TNFAIP6: variants seen among roughly 807,000 people sequenced by gnomAD.
The protein encoded by TNFAIP6 is TNF alpha induced protein 6, also known as tumor necrosis factor-inducible gene 6 protein.
A neutral mutation model predicts 33.7 loss-of-function variants in TNFAIP6; 36 were observed. The ratio of observed to expected loss-of-function variants is 1.07; its 90% CI spans 0.82 to 1.41. The LOEUF (loss-of-function observed/expected upper bound fraction) is 1.41, where lower values mean the gene tolerates loss of function less well. Ranked by LOEUF, TNFAIP6 falls within the 40% of genes most tolerant of loss-of-function variation. The pLI, the probability that TNFAIP6 is intolerant of heterozygous loss-of-function variation, is 0.00. For synonymous variants in TNFAIP6, 113 were observed against 112.8 expected, an observed-to-expected ratio of 1.00 and a Z score of -0.01; for missense variants, 273 against 331.9, an observed-to-expected ratio of 0.82 and a Z score of 1.38.
intron 3 of TNFAIP6, among the ~76,000 whole-genome samples, chr2:151,367,232 G>A (rs894465070): frequency 1.3e-5 from 2 of 152,116 alleles, no homozygotes; most frequent in Non-Finnish European, 2.9e-5. Flanking sequence ...TTTGCCTACA[G>A]CTACAACTAG....
chr2:151,380,675 A>G (rs1345591774), downstream of TNFAIP6, among the ~76,000 whole-genome samples: 1 of 152,096 alleles, frequency 6.6e-6, no homozygotes, highest in Non-Finnish European at 1.5e-5. Context: ...TACTTTTCTT[A>G]TAAAGGTTAA....
At chr2:151,376,090 C>T (rs1459704727) in intron 5 of TNFAIP6, among the ~76,000 whole-genome samples, 2 of 151,892 alleles carry the variant, frequency 1.3e-5, no homozygotes, top group East Asian at 3.9e-4. Flanking sequence ...ACTAAAAACA[C>T]AAAAAATTAG....
rs1046801964 is a variant in TNFAIP6 at position 151,370,637 on chromosome 2, T to C, written c.623+389T>C. 2.0e-5 allele frequency among the ~76,000 whole-genome samples: 3 copies of C among 152,132 alleles called. No homozygotes were observed. In the South Asian group the frequency reaches 6.2e-4, roughly 32 times the overall value. ...CTTATTAAAGTAGTGAGAGCTGCCTTTGGATTATGGCTAAGTTGTAAGAAC... is the reference window on the plus strand; with the variant it reads ...CTTATTAAAGTAGTGAGAGCTGCCTCTGGATTATGGCTAAGTTGTAAGAAC... On this transcript the variant is annotated intron_variant, in intron 4 of 5. Transcript: ENST00000243347.
chr2:151,361,219 C>T lies in TNFAIP6; in HGVS notation c.95-2724C>T, dbSNP rs142947843. On this transcript the variant is annotated intron_variant, in intron 1 of 5. Coordinates refer to ENST00000243347, the MANE Select transcript of TNFAIP6 (RefSeq NM_007115.4). The stretch of plus-strand genomic sequence containing the variant: ...CCTTCCAAGTAGCTGGGACTACAGG[C>T]GTGCACCACCACACCCGGCTAATCT... 7.2e-3 allele frequency among the ~76,000 whole-genome samples: 1,100 copies of T among 152,088 alleles called. 16 individuals are homozygous for T. Among genetic ancestry groups the T allele is most frequent in the African/African-American group, 0.025 (1,051 of 41,498 alleles).
At chr2:151,372,062 CA>C (rs1178817218) in intron 4 of TNFAIP6, 1 of 152,274 alleles carries the variant, frequency 6.6e-6, no homozygotes, top group Non-Finnish European at 1.5e-5. Flanking sequence ...CACTTGAGCC[CA>C]GTAGTTCTGG....
Position 151,379,549 on chromosome 2 carries a change from T to C in TNFAIP6, c.*16T>C. 1 of 1,454,622 alleles carries C rather than the reference T, an allele frequency of 6.9e-7. No homozygotes were observed. Among genetic ancestry groups the C allele is most frequent in the Non-Finnish European group, 9.3e-7 (1 of 1,077,072 alleles). 90.1% of individuals were successfully genotyped at this position (1,454,622 alleles called of 1,614,324 possible). On this transcript the variant is annotated 3_prime_UTR_variant, in exon 6 of 6. Coordinates refer to ENST00000243347, the MANE Select transcript of TNFAIP6 (RefSeq NM_007115.4). ...CCACTTATAAAAAAAAAAAAAAGGA[T>C]GATCAAAACACACAGTGTTTATGTT...
In TNFAIP6 at chr2:151,368,813, G is replaced by C. The variant is rs567183070; in HGVS notation, c.395-1207G>C. Among the ~76,000 whole-genome samples the C allele has an allele frequency of 5.3e-5, 8 of 152,256 alleles. No homozygotes were observed. The East Asian group carries it at 1.4e-3, about 26-fold the overall frequency. On this transcript the variant is annotated intron_variant, in intron 3 of 5. Transcript: ENST00000243347. ...CATTATTCTAAGTGCTTGTGGCCCT[G>C]AAGACATATGGTGACACCACAGGGC...
Position 151,375,776 on chromosome 2 carries a change from C to T in TNFAIP6, c.664+2187C>T, listed in dbSNP as rs186209858. ...TGATCTGGTTTTCTTTTTAAATATA[C>T]GCTTACTCAACCCAGGGTATAGATT... On this transcript the variant is annotated intron_variant, in intron 5 of 5. Coordinates refer to ENST00000243347, the MANE Select transcript of TNFAIP6 (RefSeq NM_007115.4). 4.0e-4 allele frequency among the ~76,000 whole-genome samples: 61 copies of T among 151,660 alleles called. 1 individual carries two copies. Among genetic ancestry groups the T allele is most frequent in the African/African-American group, 1.4e-3 (59 of 41,410 alleles).
chr2:151,369,326 T>G (rs1280202707), intron 3 of TNFAIP6, among the ~76,000 whole-genome samples: 2 of 152,222 alleles, frequency 1.3e-5, no homozygotes, highest in Non-Finnish European at 2.9e-5. Flanking sequence ...TTATTTTTAT[T>G]TTTATTTTTT....
chr2:151,375,385 G>A (rs1023237489), intron 5 of TNFAIP6, among the ~76,000 whole-genome samples: 1 of 152,032 alleles, frequency 6.6e-6, no homozygotes, highest in East Asian at 1.9e-4. Flanking sequence ...AATAGAAAAA[G>A]AAGATATAAG....
chr2:151,380,779 A>T (rs1685000309), downstream of TNFAIP6, among the ~76,000 whole-genome samples: 1 of 152,228 alleles, frequency 6.6e-6, no homozygotes, highest in African/African-American at 2.4e-5. Context: ...TTGGAAGGTC[A>T]GATAAACAAC....
intron 5 of TNFAIP6, among the ~76,000 whole-genome samples, chr2:151,375,278 T>G (rs929035250): frequency 1.3e-5 from 2 of 150,988 alleles, no homozygotes; most frequent in Non-Finnish European, 2.9e-5. Flanking sequence ...AATTTATCAT[T>G]CAAAGAGAAA....
chr2:151,371,942 T>C (rs1224949473), intron 4 of TNFAIP6: 1 of 152,202 alleles, frequency 6.6e-6, no homozygotes, highest in African/African-American at 2.4e-5. Flanking sequence ...GAAAAGATAG[T>C]TTATAAAAAT....
chr2:151,379,463 A>C lies in TNFAIP6; in HGVS notation c.764A>C (p.Gln255Pro). 1 of 1,608,600 alleles carries C rather than the reference A, an allele frequency of 6.2e-7. No individual in the cohort carries two copies. Among genetic ancestry groups the C allele is most frequent in the Non-Finnish European group, 8.5e-7 (1 of 1,177,920 alleles). The change falls in exon 6 of 6, where the codon CAA (glutamine) becomes CCA (proline). Residue 255 changes from glutamine (Q) to proline (P), a missense_variant. Coordinates refer to ENST00000243347, the MANE Select transcript of TNFAIP6 (RefSeq NM_007115.4). ...ATGGATCCTGTATCCAAATCCAGTC[A>C]AGGAAAAAATACAAGTACTACTTCT... ...VAMDPVSKSS[Q>P]GKNTSTTSTG...
At chr2:151,369,226 A>G (rs1272894782) in intron 3 of TNFAIP6, among the ~76,000 whole-genome samples, 1 of 152,188 alleles carries the variant, frequency 6.6e-6, no homozygotes, top group Non-Finnish European at 1.5e-5. Context: ...CGTGTGCACA[A>G]AAGACTTGTT....
At chr2:151,380,160 C>G (rs982256315), downstream of TNFAIP6, 18 of 152,012 alleles carry the variant, frequency 1.2e-4, no homozygotes, top group African/African-American at 3.9e-4. Flanking sequence ...TGAGGCCTCA[C>G]TGTAGTTTGA....
intron 3 of TNFAIP6, among the ~76,000 whole-genome samples, chr2:151,366,543 A>T (rs781714013): frequency 6.6e-6 from 1 of 152,208 alleles, no homozygotes; most frequent in East Asian, 1.9e-4. Context: ...GAGAATTCAG[A>T]TCTTCTCTGT....
chr2:151,380,803 G>A (rs575033014), downstream of TNFAIP6, among the ~76,000 whole-genome samples: 3 of 152,166 alleles, frequency 2.0e-5, no homozygotes, highest in African/African-American at 4.8e-5. Context: ...TTTCGGGTTG[G>A]TGGTGTGAAA....
chr2:151,371,421 GA>G (rs1484241780), intron 4 of TNFAIP6, among the ~76,000 whole-genome samples: 1 of 152,060 alleles, frequency 6.6e-6, no homozygotes, highest in Admixed American at 6.6e-5. Flanking sequence ...ATTTAATGGG[GA>G]AAAAATTGTA....
Sources: allele counts gnomAD v4.1 joint callset (sites outside exome capture counted in the v4.1 genomes callset), GRCh38; gene constraint gnomAD v4.1.1; transcripts MANE v1.5; gene names NCBI Gene and HGNC (gene_info 2026-07-23, HGNC 2026-07-21).